Variants in IPO8 observed in about 807,000 individuals in gnomAD.
The protein encoded by IPO8 is importin-8.
IPO8 carries 65 observed loss-of-function variants against 141.2 expected under a neutral mutation model. The ratio of observed to expected loss-of-function variants is 0.46; its 90% CI spans 0.38 to 0.57. The LOEUF (loss-of-function observed/expected upper bound fraction) is 0.57, where lower values mean the gene tolerates loss of function less well. Ranked by LOEUF, IPO8 falls within the 20% of genes least tolerant of loss-of-function variation. IPO8 has a pLI of 0.00. For missense variants in IPO8, 980 were observed against 1,246.8 expected (o/e 0.79, Z 3.22); for synonymous variants, 411 against 420.3 (o/e 0.98, Z 0.27).
intron 20 of IPO8, among the ~76,000 whole-genome samples, chr12:30,645,040 T>C (rs1475035220): frequency 6.6e-6 from 1 of 151,896 alleles, no homozygotes; most frequent in Non-Finnish European, 1.5e-5. Context: ...TATGAGACAA[T>C]ATCTCAAAGA....
At position 30,695,818 on chromosome 12, in the gene IPO8, C is replaced by A; in HGVS notation, c.-171G>T. 1.8e-6 allele frequency: 1 copy of A among 556,018 alleles called. No homozygotes were observed. The allele number at this position is 556,018 out of a possible 1,614,324, so 34.4% of individuals were successfully genotyped here. A position where few individuals can be genotyped will look rare whatever the true frequency, so the allele number is the denominator to read the frequency against. On this transcript the variant is annotated 5_prime_UTR_variant, in exon 1 of 25. Coordinates refer to ENST00000256079, the MANE Select transcript of IPO8 (RefSeq NM_006390.4). The surrounding 1 kb of genome is among the most constrained non-coding windows in gnomAD (Gnocchi z 4.2). ...TGCTGCGCCACTCTGACTCCGCGCC[C>A]CCTGTCCTCCCTTTTTCCCCCCCAC...
intron 17 of IPO8, among the ~76,000 whole-genome samples, chr12:30,653,863 T>G (rs942026450): frequency 6.6e-6 from 1 of 151,962 alleles, no homozygotes; most frequent in Non-Finnish European, 1.5e-5. Flanking sequence ...TACTTAAAAC[T>G]TAATATATTC....
intron 10 of IPO8, among the ~76,000 whole-genome samples, chr12:30,666,634 C>T (rs190733742): frequency 6.6e-6 from 1 of 152,106 alleles, no homozygotes; most frequent in Admixed American, 6.6e-5. Context: ...AAGGTTCTCA[C>T]GGAGCTTATG....
chr12:30,652,371 G>A, intron 18 of IPO8, 82 bp from the exon 19 acceptor site: 1 of 797,402 alleles, frequency 1.3e-6, no homozygotes, highest in East Asian at 2.5e-5. Context: ...TATTTCTGTA[G>A]CACCCACACA....
rs2136163711 is a variant in IPO8, at chr12:30,674,705, TCCACCATA to T, written c.770_777del (p.Val257GlufsTer3). 6.2e-7 allele frequency: 1 copy of T among 1,613,692 alleles called. No homozygotes were observed. The highest frequency in any genetic ancestry group is 8.5e-7 in the Non-Finnish European group (1 of 1,179,756). ...ATATGCAGTGCCCACTTCTTACACT[TCCACCATA>T]CCAGTTCTGGTCTATCATCCTCATC... On this transcript the variant is annotated frameshift_variant, in exon 7 of 25. Transcript: ENST00000256079. LOFTEE classifies it high-confidence loss of function.
At chr12:30,684,586 G>A (rs1025140821) in intron 2 of IPO8, 129 bp from the exon 3 acceptor site, 2 of 759,212 alleles carry the variant, frequency 2.6e-6, no homozygotes, top group Non-Finnish European at 4.3e-6. Context: ...TACTCTTACA[G>A]GTATAAACAG....
chr12:30,651,528 C>A (rs957581473), intron 19 of IPO8, among the ~76,000 whole-genome samples: 30 of 152,028 alleles, frequency 2.0e-4, no homozygotes, highest in Admixed American at 1.3e-3. Context: ...AATCTGCCTG[C>A]CAGCTTTATG....
chr12:30,641,102 A>G (rs1359018335), intron 20 of IPO8, among the ~76,000 whole-genome samples: 1 of 152,238 alleles, frequency 6.6e-6, no homozygotes, highest in African/African-American at 2.4e-5. Flanking sequence ...ATTCCATTAT[A>G]TTAAAACAAA....
intron 16 of IPO8, among the ~76,000 whole-genome samples, chr12:30,657,907 A>G (rs1591831266): frequency 6.6e-6 from 1 of 152,326 alleles, no homozygotes; most frequent in South Asian, 2.1e-4. Flanking sequence ...CCTGGTTTAA[A>G]AAAAAGGAAA....
At position 30,684,381 on chromosome 12, in the gene IPO8, T is replaced by C. The variant is rs139969190; in HGVS notation, c.243A>G (p.Pro81=). ...REPPPGEAIF[P]FNIHENDRQQ... is the part of the protein sequence containing the mutation. ...GGCGATCGTTTTCGTGAATGTTGAATGGAAATATTGCTTCTCCTGGTGGAG... is the reference window on the plus strand; with the variant it reads ...GGCGATCGTTTTCGTGAATGTTGAACGGAAATATTGCTTCTCCTGGTGGAG... Residue 81 remains proline, a synonymous_variant, in exon 3 of 25, where the codon CCA becomes CCG. Coordinates refer to ENST00000256079, the MANE Select transcript of IPO8 (RefSeq NM_006390.4). 3.1e-6 allele frequency: 5 copies of C among 1,614,022 alleles called. No homozygotes were observed. In the African/African-American group the frequency reaches 4.0e-5, roughly 13 times the overall value.
intron 8 of IPO8, among the ~76,000 whole-genome samples, chr12:30,671,799 TAGAAG>T (rs142773521): frequency 0.19 from 28,198 of 151,192 alleles, 3,127 homozygotes; most frequent in East Asian, 0.3. Context: ...TTCTTCAAAT[TAGAAG>T]AGAAAAGTTG....
chr12:30,639,524 C>G lies in IPO8; in HGVS notation c.2480G>C (p.Cys827Ser). ...TCCAAAAGACACATACCCAAGAAAA[C>G]AATCTGTATCATTCATCCATTGATT... ...FINQWMNDTD[C>S]FLGHHDRKMC... is the part of the protein sequence containing the mutation. Residue 827 changes from cysteine to serine, a missense_variant, in exon 21 of 25, where the codon TGT (cysteine) becomes TCT (serine). By Grantham distance (112) the Cys-to-Ser change is moderately radical (BLOSUM62 -1). This residue lies in a region of IPO8 where 924 missense variants were observed against 1,153.9 expected (regional missense o/e 0.80). Transcript: ENST00000256079. The G allele has an allele frequency of 6.2e-7, 1 of 1,609,506 alleles. No homozygotes were observed. Among genetic ancestry groups the G allele is most frequent in the South Asian group, 1.1e-5 (1 of 90,974 alleles).
intron 14 of IPO8, among the ~76,000 whole-genome samples, chr12:30,663,208 A>C (rs2052913320): frequency 1.3e-5 from 2 of 152,190 alleles, no homozygotes; most frequent in Admixed American, 1.3e-4. Context: ...CCAGGTTTCC[A>C]TGGCAAGTTA....
At chr12:30,670,697 AGAG>A (rs1256538666) in intron 9 of IPO8, among the ~76,000 whole-genome samples, 1 of 152,200 alleles carries the variant, frequency 6.6e-6, no homozygotes, top group African/African-American at 2.4e-5. Flanking sequence ...GTGCCTTAAT[AGAG>A]GAGAAAATGA....
At chr12:30,653,514 C>T (rs964062956) in intron 17 of IPO8, among the ~76,000 whole-genome samples, 3 of 151,860 alleles carry the variant, frequency 2.0e-5, no homozygotes, top group Non-Finnish European at 4.4e-5. Context: ...AAGTATCTAC[C>T]TATCTCAAAT....
At chr12:30,654,429 AACAG>A (rs939371539) in intron 17 of IPO8, among the ~76,000 whole-genome samples, 11 of 152,002 alleles carry the variant, frequency 7.2e-5, no homozygotes, top group South Asian at 6.2e-4. Flanking sequence ...CAATTCACAG[AACAG>A]ACAACCTCCA....
chr12:30,685,469 G>A lies in IPO8; in HGVS notation c.167-1012C>T, dbSNP rs145085325. Among the ~76,000 whole-genome samples, 298 of 151,398 alleles carry A rather than the reference G, an allele frequency of 2.0e-3. 2 individuals are homozygous for A. The highest frequency in any genetic ancestry group is 6.9e-3 in the African/African-American group (284 of 41,266). The stretch of plus-strand genomic sequence containing the variant: ...GTAAAGCTTTCTAACCATCCCAGTT[G>A]AACAGTGAATGTAAGTAAATACTTA... On this transcript the variant is annotated intron_variant, in intron 2 of 24. Transcript: ENST00000256079.
chr12:30,670,495 T>C (rs1348077257), intron 9 of IPO8, among the ~76,000 whole-genome samples: 3 of 152,212 alleles, frequency 2.0e-5, no homozygotes, highest in Admixed American at 6.5e-5. Flanking sequence ...AATGATGCTA[T>C]TGAACTTAAC....
chr12:30,631,814 G>T, intron 24 of IPO8, 81 bp downstream of exon 24: 1 of 806,432 alleles, frequency 1.2e-6, no homozygotes, highest in Non-Finnish European at 2.1e-6. Context: ...ACAGTGTTTA[G>T]GTGCCACCTG....
Sources: allele counts gnomAD v4.1 joint callset (sites outside exome capture counted in the v4.1 genomes callset), GRCh38; gene constraint gnomAD v4.1.1; regional missense constraint gnomAD v4.1.1; non-coding constraint Gnocchi (gnomAD v3.1); transcripts MANE v1.5; gene names NCBI Gene and HGNC (gene_info 2026-07-23, HGNC 2026-07-21).